Variants in PHF10 observed in about 807,000 individuals in gnomAD.
PHF10 encodes PHD finger protein 10.
Under a neutral mutation model 68.5 loss-of-function variants are expected in PHF10, and 51 were observed. The observed-to-expected ratio is 0.74, with a 90% CI of 0.59 to 0.94. The LOEUF (loss-of-function observed/expected upper bound fraction) is 0.94, where lower values mean the gene tolerates loss of function less well. Among genes scored for constraint, PHF10 ranks in the 40% least tolerant of loss-of-function variants. The pLI is 0.00. For missense variants in PHF10, 460 were observed against 602.6 expected, an observed-to-expected ratio of 0.76 and a Z score of 2.48; for synonymous variants, 204 against 203.5, an observed-to-expected ratio of 1.00 and a Z score of -0.02.
Position 169,723,899 on chromosome 6 carries a change from C to G in PHF10, c.33G>C (p.Leu11=), listed in dbSNP as rs1406480406. The change falls in exon 1 of 12, where the codon CTG becomes CTC. Residue 11 remains leucine, a synonymous_variant. Transcript: ENST00000339209. ...GGTCGCTGTCGCACGGCCGCGGGGA[C>G]AGCGCAGCCCCGGGCCCGGCCGCCG... MAAAAGPGAA[L]SPRPCDSDPA... is the part of the protein sequence containing the mutation. 1.9e-6 allele frequency: 2 copies of G among 1,075,966 alleles called. No homozygotes were observed. Among genetic ancestry groups the G allele is most frequent in the East Asian group, 5.7e-5 (1 of 17,634 alleles). The allele number at this position is 1,075,966 out of a possible 1,614,324, so 66.7% of individuals were successfully genotyped here.
chr6:169,709,879 G>A (rs1788887684), intron 9 of PHF10: 1 of 156,522 alleles, frequency 6.4e-6, no homozygotes, highest in Non-Finnish European at 1.4e-5. Context: ...ACTAAATGCT[G>A]GGGCATTTAA....
At chr6:169,718,968 T>C in intron 2 of PHF10, 50 bp from the exon 3 acceptor site, 1 of 1,223,358 alleles carries the variant, frequency 8.2e-7, no homozygotes, top group Non-Finnish European at 1.2e-6. Flanking sequence ...TCATTAATTT[T>C]TAATCACTTT....
intron 7 of PHF10, among the ~76,000 whole-genome samples, chr6:169,714,000 C>T (rs1788986856): frequency 6.6e-6 from 1 of 151,874 alleles, no homozygotes; most frequent in South Asian, 2.1e-4. Context: ...CATGTGCCTG[C>T]AGTCCCGCTA....
chr6:169,724,229 C>T lies in PHF10; in HGVS notation c.-298G>A, dbSNP rs1362081466. Among the ~76,000 whole-genome samples, 7 of 146,224 alleles carry T rather than the reference C, an allele frequency of 4.8e-5. No homozygotes were observed. Among genetic ancestry groups the T allele is most frequent in the Non-Finnish European group, 9.1e-5 (6 of 65,740 alleles). ...AGGAGGCCCAGCGGCGGCGGCGCTT[C>T]TCACGTCAGCCCAACCCGCCCGGCC... On this transcript the variant is annotated 5_prime_UTR_variant, in exon 1 of 12. Coordinates refer to ENST00000339209, the MANE Select transcript of PHF10 (RefSeq NM_018288.4).
intron 4 of PHF10, among the ~76,000 whole-genome samples, chr6:169,717,565 G>C (rs1789079846): frequency 6.6e-6 from 1 of 152,198 alleles, no homozygotes; most frequent in African/African-American, 2.4e-5. Flanking sequence ...GACACTTGAA[G>C]TATGGTTTCT....
At chr6:169,704,178 C>T (rs117299617) in intron 11 of PHF10, 90 bp from the exon 12 acceptor site, 1 of 880,480 alleles carries the variant, frequency 1.1e-6, no homozygotes, top group Non-Finnish European at 1.7e-6. Flanking sequence ...TTAGCTATCA[C>T]TAATGATATT....
chr6:169,713,595 T>C (rs865817599), intron 7 of PHF10, among the ~76,000 whole-genome samples: 2 of 138,914 alleles, frequency 1.4e-5, no homozygotes, highest in East Asian at 2.1e-4. Flanking sequence ...TGAGACTCCA[T>C]CTCAAAAAAA....
chr6:169,704,544 T>C (rs1037589515), intron 11 of PHF10: 3 of 172,886 alleles, frequency 1.7e-5, no homozygotes, highest in African/African-American at 7.2e-5. Flanking sequence ...TACTACATAC[T>C]TGATCTGAAT....
At chr6:169,704,680 CTG>C (rs1256334962) in intron 11 of PHF10, 1 of 169,730 alleles carries the variant, frequency 5.9e-6, no homozygotes, top group Non-Finnish European at 1.4e-5. Context: ...ACACAATTAT[CTG>C]TGTAATGTTT....
chr6:169,721,896 C>T (rs775479874), intron 1 of PHF10, among the ~76,000 whole-genome samples: 3 of 152,166 alleles, frequency 2.0e-5, no homozygotes, highest in Non-Finnish European at 4.4e-5. Flanking sequence ...AGTCCTCTTG[C>T]TACATATTAA....
chr6:169,724,245 C>G lies in PHF10; in HGVS notation c.-314G>C, dbSNP rs1789268361. Among the ~76,000 whole-genome samples, 1 of 145,684 alleles carries G rather than the reference C, an allele frequency of 6.9e-6. No homozygotes were observed. Among genetic ancestry groups the G allele is most frequent in the Admixed American group, 6.8e-5 (1 of 14,720 alleles). ...GCGGCGCTTCTCACGTCAGCCCAAC[C>G]CGCCCGGCCGCGGCCACCGCCTCAG... is the stretch of plus-strand genomic sequence containing the variant. On this transcript the variant is annotated 5_prime_UTR_variant, in exon 1 of 12. Transcript: ENST00000339209.
intron 10 of PHF10, 112 bp downstream of exon 10, chr6:169,705,504 G>T: frequency 2.7e-6 from 2 of 754,546 alleles, no homozygotes; most frequent in Non-Finnish European, 2.3e-6. Context: ...AAGCTACCCT[G>T]TGTATTTAAT....
Position 169,705,143 on chromosome 6 carries a change from A to C in PHF10, c.1401T>G (p.Ala467=). 2 of 1,605,902 alleles carry C rather than the reference A, an allele frequency of 1.2e-6. No homozygotes were observed. Among genetic ancestry groups the C allele is most frequent in the South Asian group, 1.1e-5 (1 of 89,518 alleles). ...GYHTFCVGLG[A]IPSGRWICDC... is the part of the protein sequence containing the mutation. ...TTTTTTAATCTTTACCTGATGGAAT[A>C]GCACCAAGGCCCACACAAAAAGTAT... Residue 467 remains alanine (A), a synonymous_variant, in exon 11 of 12, where the codon GCT becomes GCG. Transcript: ENST00000339209.
rs752021848 is a variant in PHF10 at position 169,714,784 on chromosome 6, C to A, written c.752G>T (p.Ser251Ile). The change falls in exon 7 of 12, where the codon AGT becomes ATT. Residue 251 changes from serine (S) to isoleucine (I), a missense_variant. This residue lies in a region of PHF10 where 256 missense variants were observed against 410.5 expected (regional missense o/e 0.62). Coordinates refer to ENST00000339209, the MANE Select transcript of PHF10 (RefSeq NM_018288.4). ...KVLPTERTKV[S>I]SYPVALIPGQ... ...GGGGATGAGAGCCACTGGGTAAGAACTGACCTTTGTTCGCTCTGTTGGCAA... is the reference window on the plus strand; with the variant it reads ...GGGGATGAGAGCCACTGGGTAAGAAATGACCTTTGTTCGCTCTGTTGGCAA... 1 of 1,607,522 alleles carries A rather than the reference C, an allele frequency of 6.2e-7. No individual in the cohort carries two copies. The highest frequency in any genetic ancestry group is 2.2e-5 in the East Asian group (1 of 44,854).
At chr6:169,720,699 A>G (rs1789155504) in intron 2 of PHF10, among the ~76,000 whole-genome samples, 1 of 152,190 alleles carries the variant, frequency 6.6e-6, no homozygotes, top group African/African-American at 2.4e-5. Context: ...TGGGGTAGTG[A>G]AAGTTTTGGA....
At chr6:169,716,739 G>A (rs952018195) in intron 4 of PHF10, among the ~76,000 whole-genome samples, 4 of 152,012 alleles carry the variant, frequency 2.6e-5, no homozygotes, top group South Asian at 2.1e-4. Context: ...ATGTGGTCTC[G>A]CCATCTTGCC....
At chr6:169,718,129 A>G (rs1789094691) in intron 3 of PHF10, among the ~76,000 whole-genome samples, 3 of 152,240 alleles carry the variant, frequency 2.0e-5, no homozygotes, top group African/African-American at 7.2e-5. Context: ...CAAGAAGGTC[A>G]TATAAATAAC....
intron 7 of PHF10, among the ~76,000 whole-genome samples, chr6:169,713,765 T>C (rs144954562): frequency 5.3e-5 from 8 of 152,298 alleles, no homozygotes; most frequent in Admixed American, 1.3e-4. Context: ...CTCTAAAAAA[T>C]AGTATATTAT....
At chr6:169,710,839 G>GAA (rs569646661) in intron 8 of PHF10, among the ~76,000 whole-genome samples, 7 of 133,986 alleles carry the variant, frequency 5.2e-5, no homozygotes, top group South Asian at 2.3e-4. Context: ...CTGCAGTTAG[G>GAA]AAAAAAAAAA....
Sources: allele counts gnomAD v4.1 joint callset (sites outside exome capture counted in the v4.1 genomes callset), GRCh38; gene constraint gnomAD v4.1.1; regional missense constraint gnomAD v4.1.1; transcripts MANE v1.5; gene names NCBI Gene and HGNC (gene_info 2026-07-23, HGNC 2026-07-21).